ANOS1: variants seen among roughly 807,000 people sequenced by gnomAD.
ANOS1 encodes the protein anosmin-1.
In ANOS1, 6 loss-of-function variants were observed where a neutral mutation model predicts 59.0. The observed-to-expected ratio is 0.10, with a 90% confidence interval of 0.06 to 0.20. The LOEUF (loss-of-function observed/expected upper bound fraction) is 0.20. ANOS1 is among the 10% of genes least tolerant of loss of function. The pLI is 1.00. For missense variants in ANOS1, 433 were observed against 542.3 expected, an observed-to-expected ratio of 0.80 and a Z score of 2.00; for synonymous variants, 217 against 223.4, an observed-to-expected ratio of 0.97 and a Z score of 0.25.
intron 3 of ANOS1, among the ~76,000 whole-genome samples, chrX:8,602,267 G>T (rs1320331561): frequency 8.9e-6 from 1 of 111,835 alleles, no homozygotes; most frequent in Non-Finnish European, 1.9e-5. Flanking sequence ...AGTTTAATGA[G>T]AATTTATTGA....
At chrX:8,656,034 C>T (rs1003373137) in intron 2 of ANOS1, among the ~76,000 whole-genome samples, 3 of 112,029 alleles carry the variant, frequency 2.7e-5, no homozygotes, top group East Asian at 2.8e-4. Context: ...ATCACACACA[C>T]GAGCATTAGG....
At chrX:8,624,416 A>G (rs1483166655) in intron 2 of ANOS1, among the ~76,000 whole-genome samples, 2 of 111,620 alleles carry the variant, frequency 1.8e-5, no homozygotes, top group Non-Finnish European at 3.8e-5. Context: ...TATTTTTTGT[A>G]CACTCTTCTA....
chrX:8,721,032 T>G (rs779882672), intron 1 of ANOS1, among the ~76,000 whole-genome samples: 4 of 111,878 alleles, frequency 3.6e-5, no homozygotes, highest in Non-Finnish European at 7.5e-5. Context: ...GACGGTTGTG[T>G]TTTGCAGATT....
intron 3 of ANOS1, among the ~76,000 whole-genome samples, chrX:8,616,017 C>T (rs780686313): frequency 9.7e-6 from 1 of 103,315 alleles, no homozygotes; most frequent in South Asian, 4.7e-4. Context: ...ACACCTCTTC[C>T]CACAATCTCA....
chrX:8,679,421 T>C (rs1932385588), intron 2 of ANOS1, among the ~76,000 whole-genome samples: 1 of 110,372 alleles, frequency 9.1e-6, no homozygotes. Context: ...TTACATTGAT[T>C]TTCTTTACAA....
At chrX:8,720,403 T>C (rs897224811) in intron 1 of ANOS1, among the ~76,000 whole-genome samples, 1 of 111,184 alleles carries the variant, frequency 9.0e-6, no homozygotes, top group Non-Finnish European at 1.9e-5. Flanking sequence ...ATTACATGCA[T>C]GGAAAATTGG....
At chrX:8,646,949 A>AG (rs1569072524) in intron 2 of ANOS1, among the ~76,000 whole-genome samples, 1 of 108,499 alleles carries the variant, frequency 9.2e-6, no homozygotes. Flanking sequence ...AAAAAAAAAA[A>AG]AAAGAAGATT....
chrX:8,540,849 A>G (rs1218432683), intron 9 of ANOS1, among the ~76,000 whole-genome samples: 1 of 110,349 alleles, frequency 9.1e-6, no homozygotes, highest in Non-Finnish European at 1.9e-5. Context: ...TAAAAGAGAA[A>G]TCATGTACTA....
chrX:8,677,056 C>T (rs186671247), intron 2 of ANOS1, among the ~76,000 whole-genome samples: 1 of 112,115 alleles, frequency 8.9e-6, no homozygotes, highest in Non-Finnish European at 1.9e-5. Context: ...GGGGAATACT[C>T]TAAGTTGGTG....
intron 8 of ANOS1, among the ~76,000 whole-genome samples, chrX:8,567,448 CA>C (rs3216498): frequency 0.28 from 31,054 of 110,706 alleles, 3,660 homozygotes; most frequent in Middle Eastern, 0.38. Flanking sequence ...TCTCTGCCTT[CA>C]AAAGTGCCCA....
At chrX:8,626,760 C>G (rs1422638123) in intron 2 of ANOS1, among the ~76,000 whole-genome samples, 1 of 106,733 alleles carries the variant, frequency 9.4e-6, no homozygotes, top group Non-Finnish European at 1.9e-5. Flanking sequence ...TCTCGGGAGG[C>G]TGAGGCAGGA....
At chrX:8,695,106 G>A (rs1257808746) in intron 2 of ANOS1, among the ~76,000 whole-genome samples, 1 of 111,529 alleles carries the variant, frequency 9.0e-6, no homozygotes, top group Non-Finnish European at 1.9e-5. Context: ...GAGGCCAGGA[G>A]TTTGAGACCA....
At chrX:8,653,703 A>C (rs1931884763) in intron 2 of ANOS1, among the ~76,000 whole-genome samples, 1 of 111,406 alleles carries the variant, frequency 9.0e-6, no homozygotes, top group African/African-American at 3.3e-5. Context: ...CTCCTTACTA[A>C]CCACAGTACT....
chrX:8,673,924 G>T (rs769317860), intron 2 of ANOS1, among the ~76,000 whole-genome samples: 12 of 110,948 alleles, frequency 1.1e-4, no homozygotes, highest in Non-Finnish European at 2.1e-4. Flanking sequence ...CAGGCAGGGC[G>T]ACTTCAGCAA....
chrX:8,663,565 C>G (rs1166353028), intron 2 of ANOS1, among the ~76,000 whole-genome samples: 1 of 111,663 alleles, frequency 9.0e-6, no homozygotes, highest in African/African-American at 3.3e-5. Flanking sequence ...ACAAAACTGG[C>G]TGAAATCAGT....
At chrX:8,731,730 G>C in intron 1 of ANOS1, 100 bp downstream of exon 1, 8 of 1,125,012 alleles carry the variant, frequency 7.1e-6, no homozygotes. Context: ...GGCGGCGCTG[G>C]CCGAGAACTT....
intron 2 of ANOS1, among the ~76,000 whole-genome samples, chrX:8,667,585 G>A (rs1176777914): frequency 8.9e-6 from 1 of 111,874 alleles, no homozygotes; most frequent in Non-Finnish European, 1.9e-5. Context: ...GTGGGCCGGG[G>A]CTTGCACAGT....
At chrX:8,552,263 T>C (rs1929869543) in intron 9 of ANOS1, among the ~76,000 whole-genome samples, 1 of 112,092 alleles carries the variant, frequency 8.9e-6, no homozygotes, top group African/African-American at 3.2e-5. Context: ...AGAATGTAAA[T>C]TGGTACAACC....
chrX:8,621,697 A>C (rs1314197136), intron 3 of ANOS1, among the ~76,000 whole-genome samples: 1 of 112,089 alleles, frequency 8.9e-6, no homozygotes, highest in African/African-American at 3.2e-5. Flanking sequence ...CATTTGAAAA[A>C]TGAGGTTGAA....
Sources: gnomAD v4.1 joint callset for allele counts (sites outside exome capture counted in the v4.1 genomes callset) on GRCh38, gnomAD v4.1.1 for gene constraint, MANE v1.5 for transcripts, NCBI Gene and HGNC (gene_info 2026-07-23, HGNC 2026-07-21) for gene names.